ODF2L: variants seen among roughly 807,000 people sequenced by gnomAD.
The protein encoded by ODF2L is protein BCAP.
Under a neutral mutation model 86.3 loss-of-function variants are expected in ODF2L, and 76 were observed. The ratio of observed to expected loss-of-function variants is 0.88; its 90% CI spans 0.73 to 1.07. The LOEUF (loss-of-function observed/expected upper bound fraction) is 1.07, where lower values mean the gene tolerates loss of function less well. Among genes scored for constraint, ODF2L ranks in the 50% least tolerant of loss-of-function variants. The pLI, the probability that ODF2L is intolerant of heterozygous loss-of-function variation, is 0.00. For missense variants in ODF2L, 748 were observed against 717.4 expected (o/e 1.04, Z -0.49); for synonymous variants, 241 against 231.3 (o/e 1.04, Z -0.38).
chr1:86,374,513 T>G (rs1028883987), intron 8 of ODF2L, among the ~76,000 whole-genome samples: 1 of 152,104 alleles, frequency 6.6e-6, no homozygotes, highest in Non-Finnish European at 1.5e-5. Flanking sequence ...AGGATCTAAT[T>G]TTCAAAGAAG....
chr1:86,363,327 T>G (rs1659175012), intron 11 of ODF2L, among the ~76,000 whole-genome samples: 1 of 152,174 alleles, frequency 6.6e-6, no homozygotes, highest in Non-Finnish European at 1.5e-5. Context: ...TGTCTGGAAT[T>G]CAGAGACTAG....
chr1:86,389,041 C>T lies in ODF2L; in HGVS notation c.-59-1955G>A, dbSNP rs192104461. 6.1e-3 allele frequency among the ~76,000 whole-genome samples: 924 copies of T among 152,248 alleles called. 5 individuals are homozygous for T. Among genetic ancestry groups the T allele is most frequent in the Middle Eastern group, 0.02 (6 of 294 alleles). On this transcript the variant is annotated intron_variant, in intron 1 of 17. Transcript: ENST00000317336. Reference sequence around the variant, plus strand: ...TCAGAGATTCCAAGGCACTCCACTGCTTTTGTGTTGTGATAATTGTGTAAC... The same window carrying T: ...TCAGAGATTCCAAGGCACTCCACTGTTTTTGTGTTGTGATAATTGTGTAAC...
In ODF2L at chr1:86,360,175, C is replaced by T. The variant is rs994975756; in HGVS notation, c.1254+251G>A. Reference sequence around the variant, plus strand: ...GAATACATTAAGGGTCACATTATACCGATGTAATTCATTTTAAATCTACTT... The same window carrying T: ...GAATACATTAAGGGTCACATTATACTGATGTAATTCATTTTAAATCTACTT... On this transcript the variant is annotated intron_variant, in intron 12 of 17. Coordinates refer to ENST00000317336, the Ensembl canonical transcript of ODF2L. 5.3e-5 allele frequency among the ~76,000 whole-genome samples: 8 copies of T among 152,094 alleles called. No homozygotes were observed. In the East Asian group the frequency reaches 1.4e-3, roughly 26 times the overall value.
At chr1:86,374,017 T>G (rs998783191) in intron 8 of ODF2L, among the ~76,000 whole-genome samples, 3 of 152,162 alleles carry the variant, frequency 2.0e-5, no homozygotes, top group African/African-American at 2.4e-5. Context: ...GTGCCTCCGC[T>G]CTACATTCTA....
intron 4 of ODF2L, among the ~76,000 whole-genome samples, chr1:86,384,456 CAA>C (rs1395245544): frequency 6.9e-6 from 1 of 145,822 alleles, no homozygotes; most frequent in Admixed American, 7.1e-5. Context: ...TTAAGTATGA[CAA>C]AGTTTTTGAG....
chr1:86,362,928 G>A (rs1659147859), intron 11 of ODF2L, among the ~76,000 whole-genome samples: 1 of 152,210 alleles, frequency 6.6e-6, no homozygotes, highest in Non-Finnish European at 1.5e-5. Flanking sequence ...AAAGTGCTGG[G>A]ATTACAGCGT....
chr1:86,365,202 T>C (rs1460152411), intron 11 of ODF2L, among the ~76,000 whole-genome samples: 2 of 152,210 alleles, frequency 1.3e-5, no homozygotes, highest in Non-Finnish European at 2.9e-5. Flanking sequence ...AAGAAAAGTA[T>C]CTTTACGATA....
Position 86,352,998 on chromosome 1 carries a change from C to A in ODF2L, c.1768-14G>T. Reference sequence around the variant, plus strand: ...TTCTTCAGCAACCTGTAATTTTTATCAAAAGAGTAAAATAAAGTGCTTTCT... The same window carrying A: ...TTCTTCAGCAACCTGTAATTTTTATAAAAAGAGTAAAATAAAGTGCTTTCT... On this transcript the variant is annotated splice_polypyrimidine_tract_variant and intron_variant, in intron 16 of 17. Coordinates refer to ENST00000317336, the Ensembl canonical transcript of ODF2L. 6.8e-7 allele frequency: 1 copy of A among 1,466,536 alleles called. No individual in the cohort carries two copies. The highest frequency in any genetic ancestry group is 2.0e-5 in the Admixed American group (1 of 50,652). The allele number at this position is 1,466,536 out of a possible 1,614,324, so 90.8% of individuals were successfully genotyped here.
intron 1 of ODF2L, among the ~76,000 whole-genome samples, chr1:86,394,908 T>TCGG (rs1360533511): frequency 1.3e-5 from 2 of 149,434 alleles, no homozygotes; most frequent in Non-Finnish European, 3.0e-5. Flanking sequence ...TGGCGCGATC[T>TCGG]CGGCTCACGG....
chr1:86,362,517 C>G (rs1255848051), intron 11 of ODF2L, among the ~76,000 whole-genome samples: 3 of 151,604 alleles, frequency 2.0e-5, no homozygotes, highest in Non-Finnish European at 4.4e-5. Context: ...GCTCAAACTT[C>G]TGAGCTGAGG....
chr1:86,348,680 ATTTT>A (rs1657924319), downstream of ODF2L: 1 of 1,244,350 alleles, frequency 8.0e-7, no homozygotes, highest in Non-Finnish European at 1.0e-6. Context: ...TAGTATATTT[ATTTT>A]TTTACCCAAT....
intron 16 of ODF2L, among the ~76,000 whole-genome samples, chr1:86,354,104 C>T (rs577506603): frequency 2.0e-5 from 3 of 152,288 alleles, no homozygotes; most frequent in South Asian, 4.1e-4. Flanking sequence ...CTGAAGTATT[C>T]GTTGAATGCT....
intron 8 of ODF2L, among the ~76,000 whole-genome samples, chr1:86,374,366 C>G (rs1332591478): frequency 1.3e-5 from 2 of 152,032 alleles, no homozygotes; most frequent in Admixed American, 6.6e-5. Context: ...TAATTATTAC[C>G]TACTTCATCA....
At chr1:86,361,521 G>A (rs1434758139) in intron 11 of ODF2L, among the ~76,000 whole-genome samples, 2 of 152,170 alleles carry the variant, frequency 1.3e-5, no homozygotes, top group Non-Finnish European at 2.9e-5. Context: ...AGAGCTGTGA[G>A]AGCACTCTCA....
exon 15 of ODF2L, chr1:86,354,825 G>A: frequency 2.5e-6 from 4 of 1,606,364 alleles, no homozygotes; most frequent in Non-Finnish European, 3.4e-6. Flanking sequence ...CTCTTCCAGA[G>A]AAAGCTTTGT....
chr1:86,376,228 C>T lies in ODF2L; in HGVS notation c.810+5G>A, dbSNP rs375744723. 69 of 1,562,078 alleles carry T rather than the reference C, an allele frequency of 4.4e-5. No individual in the cohort carries two copies. Among genetic ancestry groups the T allele is most frequent in the Non-Finnish European group, 6.1e-5 (69 of 1,137,246 alleles). On this transcript the variant is annotated splice_donor_5th_base_variant and intron_variant, in intron 8 of 17. Transcript: ENST00000317336. ...TTTAATTTTAAAAAGAATGCATTTA[C>T]ATACCTGATCTCTAATTTGGGAAGT...
chr1:86,379,469 C>T (rs1660414891), intron 7 of ODF2L, among the ~76,000 whole-genome samples: 1 of 151,986 alleles, frequency 6.6e-6, no homozygotes, highest in South Asian at 2.1e-4. Flanking sequence ...GAATATTATA[C>T]ATCATACTAG....
intron 11 of ODF2L, among the ~76,000 whole-genome samples, chr1:86,361,338 T>C (rs967849834): frequency 2.0e-5 from 3 of 152,174 alleles, no homozygotes; most frequent in African/African-American, 7.2e-5. Context: ...GTCAAATGCA[T>C]TACAGAAGAA....
At chr1:86,380,415 G>C (rs931856804) in intron 7 of ODF2L, among the ~76,000 whole-genome samples, 1 of 152,084 alleles carries the variant, frequency 6.6e-6, no homozygotes, top group Non-Finnish European at 1.5e-5. Context: ...ATAAGACAAA[G>C]GAACATCCCA....
Sources: gnomAD v4.1 joint callset for allele counts (sites outside exome capture counted in the v4.1 genomes callset) on GRCh38, gnomAD v4.1.1 for gene constraint, MANE v1.5 for transcripts, NCBI Gene and HGNC (gene_info 2026-07-23, HGNC 2026-07-21) for gene names.